Variants in ATP9B observed in about 807,000 individuals in gnomAD.
ATP9B encodes the protein probable phospholipid-transporting ATPase IIB.
A neutral mutation model predicts 146.1 loss-of-function variants in ATP9B; 110 were observed. The observed-to-expected ratio is 0.75, with a 90% CI of 0.65 to 0.88. The LOEUF (loss-of-function observed/expected upper bound fraction) is 0.88, where lower values mean the gene tolerates loss of function less well. ATP9B is among the 40% of genes least tolerant of loss of function. The pLI is 0.00. For synonymous variants in ATP9B, 604 were observed against 569.7 expected, an observed-to-expected ratio of 1.06 and a Z score of -0.86; for missense variants, 1,499 against 1,496.4, an observed-to-expected ratio of 1.00 and a Z score of -0.03.
At chr18:79,376,388 C>CTTTTTT (rs773403288) in intron 29 of ATP9B, 1 of 844,906 alleles carries the variant, frequency 1.2e-6, no homozygotes, top group African/African-American at 2.0e-5. Flanking sequence ...CATCTGCAAC[C>CTTTTTT]ATTTTTTTTT....
chr18:79,174,187 G>GT (rs1568331846), intron 7 of ATP9B: 3 of 431,932 alleles, frequency 6.9e-6, no homozygotes, highest in Non-Finnish European at 1.4e-5. Context: ...TTCATTTTCT[G>GT]TTTTTTAAAT....
chr18:79,367,154 C>T (rs35930322), intron 26 of ATP9B, among the ~76,000 whole-genome samples: 11 of 74,672 alleles, frequency 1.5e-4, no homozygotes, highest in South Asian at 6.1e-4. Context: ...GCAGAGAAAG[C>T]GCCTCCTCAA....
intron 4 of ATP9B, among the ~76,000 whole-genome samples, chr18:79,121,641 T>C (rs2094191631): frequency 1.3e-5 from 2 of 152,244 alleles, no homozygotes; most frequent in South Asian, 4.1e-4. Context: ...GGCTGGCCAT[T>C]GGGCATTTCC....
rs542877479 is a variant in ATP9B, at chr18:79,075,401, A to G, written c.119+5872A>G. 5.3e-5 allele frequency among the ~76,000 whole-genome samples: 8 copies of G among 152,300 alleles called. No individual in the cohort carries two copies. In the South Asian group the frequency reaches 1.4e-3, roughly 28 times the overall value. ...GTGATCGCCTTCTGTCGGCCTTCCA[A>G]AGTGCTGGGATTACAAGCATGAGCC... On this transcript the variant is annotated intron_variant, in intron 1 of 29. Coordinates refer to ENST00000426216, the MANE Select transcript of ATP9B (RefSeq NM_198531.5).
At chr18:79,359,755 C>T (rs887896215) in intron 26 of ATP9B, 6 of 342,922 alleles carry the variant, frequency 1.7e-5, no homozygotes, top group Admixed American at 1.5e-4. Flanking sequence ...ATTTGTGGAA[C>T]TTTTGTGAAG....
intron 4 of ATP9B, among the ~76,000 whole-genome samples, chr18:79,118,330 C>G (rs117366356): frequency 0.033 from 4,703 of 141,414 alleles, 110 homozygotes; most frequent in Non-Finnish European, 0.043. Flanking sequence ...ATTATAGAAA[C>G]TTTAGAACAC....
chr18:79,078,796 T>C (rs1337203587), intron 1 of ATP9B, among the ~76,000 whole-genome samples: 1 of 152,122 alleles, frequency 6.6e-6, no homozygotes. Flanking sequence ...TTTCTCCTAA[T>C]GTTATCCTTC....
chr18:79,327,590 AACG>A (rs2096759474), intron 15 of ATP9B, among the ~76,000 whole-genome samples: 1 of 130,558 alleles, frequency 7.7e-6, no homozygotes, highest in African/African-American at 3.1e-5. Flanking sequence ...CTCCGTGGTT[AACG>A]TGCCCTCCGT....
chr18:79,352,657 C>G (rs1160367548), intron 25 of ATP9B: 3 of 151,574 alleles, frequency 2.0e-5, no homozygotes, highest in East Asian at 1.9e-4. Context: ...CTCGAAACCT[C>G]TGTGTTTCAA....
chr18:79,194,096 G>C (rs896645933), intron 9 of ATP9B, among the ~76,000 whole-genome samples: 1 of 152,128 alleles, frequency 6.6e-6, no homozygotes, highest in African/African-American at 2.4e-5. Flanking sequence ...GCATGCATAA[G>C]ATGTTCATGG....
chr18:79,214,629 A>G (rs1167269601), intron 11 of ATP9B, among the ~76,000 whole-genome samples: 1 of 152,248 alleles, frequency 6.6e-6, no homozygotes, highest in Non-Finnish European at 1.5e-5. Flanking sequence ...ATGATACCAT[A>G]TGTGAGATGA....
intron 2 of ATP9B, among the ~76,000 whole-genome samples, chr18:79,103,671 AAAT>A (rs2075448163): frequency 6.6e-6 from 1 of 152,200 alleles, no homozygotes; most frequent in Admixed American, 6.5e-5. Context: ...GGGCTGAAAA[AAAT>A]GGGAAAATTT....
chr18:79,070,480 G>C (rs2071597954), intron 1 of ATP9B, among the ~76,000 whole-genome samples: 1 of 152,138 alleles, frequency 6.6e-6, no homozygotes, highest in Non-Finnish European at 1.5e-5. Context: ...TTTTCTTACG[G>C]GATTATTGGA....
In ATP9B at chr18:79,373,950, C is replaced by G; in HGVS notation, c.3123C>G (p.His1041Gln). The G allele has an allele frequency of 1.2e-6, 2 of 1,613,816 alleles. No individual in the cohort carries two copies. Among genetic ancestry groups the G allele is most frequent in the Non-Finnish European group, 1.7e-6 (2 of 1,180,032 alleles). ...TGCTCTTCGAGTCTGAGTTCGTCCA[C>G]GTGGTGGCCATCTCCTTCACCGCAC... ...ALVLFESEFVHVVAISFTALI... is the reference protein window; with the variant it reads ...ALVLFESEFVQVVAISFTALI... The change falls in exon 28 of 30, where the codon CAC (histidine) becomes CAG (glutamine). Residue 1041 changes from histidine to glutamine, a missense_variant. Transcript: ENST00000426216.
intron 17 of ATP9B, among the ~76,000 whole-genome samples, chr18:79,333,973 G>T (rs781755686): frequency 1.3e-5 from 2 of 152,168 alleles, no homozygotes; most frequent in South Asian, 2.1e-4. Flanking sequence ...CTTAAGCAGC[G>T]AATCTTTCGG....
intron 25 of ATP9B, chr18:79,352,503 A>T (rs1350732939): frequency 6.6e-6 from 1 of 152,216 alleles, no homozygotes; most frequent in Non-Finnish European, 1.5e-5. Context: ...GTTTTCAGAC[A>T]TTGGATAAGA....
At chr18:79,350,183 C>T (rs1488766351) in intron 25 of ATP9B, among the ~76,000 whole-genome samples, 1 of 152,210 alleles carries the variant, frequency 6.6e-6, no homozygotes, top group Non-Finnish European at 1.5e-5. Context: ...CCTTCGCCTG[C>T]ACATGTTAGC....
intron 26 of ATP9B, among the ~76,000 whole-genome samples, chr18:79,369,983 C>G (rs1255018553): frequency 6.6e-6 from 1 of 152,130 alleles, no homozygotes; most frequent in African/African-American, 2.4e-5. Flanking sequence ...CTTGTAATCC[C>G]AGCTACTCGG....
At chr18:79,078,569 TTTA>T (rs2072885824) in intron 1 of ATP9B, among the ~76,000 whole-genome samples, 1 of 152,170 alleles carries the variant, frequency 6.6e-6, no homozygotes, top group African/African-American at 2.4e-5. Flanking sequence ...TTTACTCTTT[TTTA>T]TTTTAAAATT....
Sources: gnomAD v4.1 joint callset for allele counts (sites outside exome capture counted in the v4.1 genomes callset) on GRCh38, gnomAD v4.1.1 for gene constraint, MANE v1.5 for transcripts, NCBI Gene and HGNC (gene_info 2026-07-23, HGNC 2026-07-21) for gene names.